Variants in GFRAL observed in about 807,000 individuals in gnomAD.
GFRAL encodes GDNF family receptor alpha like.
In GFRAL, 36 loss-of-function variants were observed where a neutral mutation model predicts 45.4. The observed-to-expected ratio is 0.79, with a 90% CI of 0.61 to 1.05. The LOEUF (loss-of-function observed/expected upper bound fraction) is 1.05, where lower values mean the gene tolerates loss of function less well. Among genes scored for constraint, GFRAL ranks in the 50% least tolerant of loss-of-function variants. The pLI is 0.00. For missense variants in GFRAL, 507 were observed against 467.5 expected (o/e 1.08, Z -0.78); for synonymous variants, 166 against 154.1 (o/e 1.08, Z -0.57).
chr6:55,384,878 A>G (rs1273095783), intron 6 of GFRAL, among the ~76,000 whole-genome samples: 3 of 150,524 alleles, frequency 2.0e-5, no homozygotes, highest in African/African-American at 7.4e-5. Context: ...AAAAAAAAAA[A>G]AGTCAGACTC....
intron 3 of GFRAL, among the ~76,000 whole-genome samples, chr6:55,336,887 C>A (rs1250014466): frequency 6.6e-6 from 1 of 151,916 alleles, no homozygotes; most frequent in African/African-American, 2.4e-5. Context: ...GGAGGAAATT[C>A]CTTATTTTTG....
intron 3 of GFRAL, among the ~76,000 whole-genome samples, chr6:55,347,914 C>T (rs1489765651): frequency 2.6e-5 from 4 of 152,062 alleles, no homozygotes; most frequent in Non-Finnish European, 5.9e-5. Context: ...TTTATAGAAA[C>T]ATGTTTGTCT....
chr6:55,349,294 G>A (rs956705031), intron 3 of GFRAL, among the ~76,000 whole-genome samples: 1 of 151,952 alleles, frequency 6.6e-6, no homozygotes, highest in African/African-American at 2.4e-5. Flanking sequence ...TAATCATGAA[G>A]GGACATTTAT....
chr6:55,380,839 T>C (rs1768598867), intron 6 of GFRAL, among the ~76,000 whole-genome samples: 1 of 151,998 alleles, frequency 6.6e-6, no homozygotes, highest in Non-Finnish European at 1.5e-5. Flanking sequence ...TCAATAGCTT[T>C]TCCTTGCTTT....
intron 3 of GFRAL, 44 bp from the exon 4 acceptor site, chr6:55,350,048 G>GAA: frequency 8.3e-7 from 1 of 1,210,734 alleles, no homozygotes; most frequent in Non-Finnish European, 1.2e-6. Context: ...AGGAAATTCA[G>GAA]AAAATTGTTC....
At chr6:55,331,186 T>A (rs1399664658) in intron 1 of GFRAL, among the ~76,000 whole-genome samples, 1 of 152,038 alleles carries the variant, frequency 6.6e-6, no homozygotes, top group East Asian at 1.9e-4. Flanking sequence ...ATGTATAAAA[T>A]GAAAATAGAA....
rs1302153465 is a variant in GFRAL, at chr6:55,342,853, C to G, written c.317-7239C>G. Among the ~76,000 whole-genome samples the G allele has an allele frequency of 7.9e-5, 12 of 151,392 alleles. No homozygotes were observed. The South Asian group carries it at 2.5e-3, about 32-fold the overall frequency. On this transcript the variant is annotated intron_variant, in intron 3 of 8. Coordinates refer to ENST00000340465, the MANE Select transcript of GFRAL (RefSeq NM_207410.2). ...GAAGATCTACCAAGCAAATGGAAAACAAAAAAAGGCAGGGGTTGCAATCCT... is the reference window on the plus strand; with the variant it reads ...GAAGATCTACCAAGCAAATGGAAAAGAAAAAAAGGCAGGGGTTGCAATCCT...
intron 6 of GFRAL, among the ~76,000 whole-genome samples, chr6:55,383,640 A>C (rs772509549): frequency 2.0e-5 from 3 of 152,052 alleles, no homozygotes; most frequent in Non-Finnish European, 4.4e-5. Flanking sequence ...TTGCACAACA[A>C]AATCTCCTAA....
At chr6:55,363,776 T>A (rs971437134) in intron 6 of GFRAL, among the ~76,000 whole-genome samples, 12 of 151,896 alleles carry the variant, frequency 7.9e-5, no homozygotes, top group Admixed American at 2.0e-4. Flanking sequence ...CTCATCCTTT[T>A]TTATGGCTGC....
At chr6:55,389,452 C>T (rs1361327038) in intron 6 of GFRAL, among the ~76,000 whole-genome samples, 2 of 151,994 alleles carry the variant, frequency 1.3e-5, no homozygotes, top group Non-Finnish European at 2.9e-5. Flanking sequence ...TGTGTAACCA[C>T]TAGCAAAACA....
chr6:55,400,770 A>G (rs1768885949), intron 8 of GFRAL, among the ~76,000 whole-genome samples: 1 of 152,288 alleles, frequency 6.6e-6, no homozygotes, highest in Non-Finnish European at 1.5e-5. Flanking sequence ...TAGCATTTGG[A>G]ATTTATTAAA....
intron 8 of GFRAL, among the ~76,000 whole-genome samples, chr6:55,401,176 C>G (rs1768891751): frequency 6.6e-6 from 1 of 152,020 alleles, no homozygotes. Flanking sequence ...GCAAATTATT[C>G]ATACTATTAA....
chr6:55,333,692 T>C (rs1168314148), intron 2 of GFRAL, 94 bp from the exon 3 acceptor site: 1 of 662,282 alleles, frequency 1.5e-6, no homozygotes, highest in Non-Finnish European at 2.3e-6. Flanking sequence ...TATTAATTAA[T>C]TATTCAGGTT....
chr6:55,397,914 A>T (rs995145128), intron 6 of GFRAL, among the ~76,000 whole-genome samples: 4 of 152,172 alleles, frequency 2.6e-5, no homozygotes. Context: ...TTCTATGTTT[A>T]TATGCTTAAA....
At chr6:55,359,787 G>T (rs9475262) in intron 6 of GFRAL, among the ~76,000 whole-genome samples, 4 of 151,950 alleles carry the variant, frequency 2.6e-5, no homozygotes, top group African/African-American at 9.7e-5. Flanking sequence ...ATCTGCTACT[G>T]TCACATTTGT....
chr6:55,342,753 C>A (rs1767985908), intron 3 of GFRAL, among the ~76,000 whole-genome samples: 1 of 152,014 alleles, frequency 6.6e-6, no homozygotes, highest in African/African-American at 2.4e-5. Flanking sequence ...AGAGTCAAGA[C>A]CCATCAGTGT....
At chr6:55,383,246 A>G (rs977865662) in intron 6 of GFRAL, among the ~76,000 whole-genome samples, 1 of 151,896 alleles carries the variant, frequency 6.6e-6, no homozygotes, top group African/African-American at 2.4e-5. Context: ...CATTTTAAAT[A>G]GCAATTACCT....
At chr6:55,339,586 A>G (rs1355032866) in intron 3 of GFRAL, among the ~76,000 whole-genome samples, 1 of 152,216 alleles carries the variant, frequency 6.6e-6, no homozygotes, top group Admixed American at 6.5e-5. Flanking sequence ...AAATAGGAAA[A>G]GAAACTACAG....
At chr6:55,400,987 T>C (rs1227177978) in intron 8 of GFRAL, among the ~76,000 whole-genome samples, 2 of 152,160 alleles carry the variant, frequency 1.3e-5, no homozygotes, top group African/African-American at 2.4e-5. Context: ...CCACTGGTTT[T>C]TAGATACTAC....
Sources: allele counts gnomAD v4.1 joint callset (sites outside exome capture counted in the v4.1 genomes callset), GRCh38; gene constraint gnomAD v4.1.1; transcripts MANE v1.5; gene names NCBI Gene and HGNC (gene_info 2026-07-23, HGNC 2026-07-21).